The following DNM3 variants were observed in gnomAD, a reference collection of about 807,000 sequenced individuals.
The protein encoded by DNM3 is dynamin 3, also known as dynamin-3.
A neutral mutation model predicts 101.6 loss-of-function variants in DNM3; 47 were observed. The observed-to-expected ratio is 0.46, with a 90% CI of 0.37 to 0.59. The LOEUF (loss-of-function observed/expected upper bound fraction) is 0.59. Among genes scored for constraint, DNM3 ranks in the 20% least tolerant of loss-of-function variants. The pLI, the probability that DNM3 is intolerant of heterozygous loss-of-function variation, is 0.00. For missense variants in DNM3, 849 were observed against 1,085.7 expected (o/e 0.78, Z 3.06); for synonymous variants, 385 against 387.9 (o/e 0.99, Z 0.09).
intron 13 of DNM3, among the ~76,000 whole-genome samples, chr1:172,119,496 C>G (rs140936870): frequency 9.9e-5 from 15 of 152,102 alleles, no homozygotes; most frequent in African/African-American, 3.6e-4. Context: ...CTTCTAGCCC[C>G]GCCTCGGTTT....
At chr1:172,103,707 T>C (rs1016814892) in intron 13 of DNM3, among the ~76,000 whole-genome samples, 1 of 152,110 alleles carries the variant, frequency 6.6e-6, no homozygotes, top group Non-Finnish European at 1.5e-5. Context: ...ATTTTACTTA[T>C]TGAAAGTTAC....
chr1:172,061,307 A>G (rs1005329330), intron 10 of DNM3, among the ~76,000 whole-genome samples: 2 of 144,374 alleles, frequency 1.4e-5, no homozygotes, highest in African/African-American at 5.3e-5. Flanking sequence ...TCAGGGATCT[A>G]GAACTGGAGA....
intron 15 of DNM3, among the ~76,000 whole-genome samples, chr1:172,280,319 A>G (rs1228933076): frequency 6.6e-6 from 1 of 152,000 alleles, no homozygotes; most frequent in Non-Finnish European, 1.5e-5. Context: ...ATTTTTATTC[A>G]TTGTTGTTTG....
Position 172,411,123 on chromosome 1 carries a change from T to C in DNM3, c.*3282T>C. 1.0e-6 allele frequency: 1 copy of C among 984,256 alleles called. No homozygotes were observed. The highest frequency in any genetic ancestry group is 1.2e-6 in the Non-Finnish European group (1 of 828,860). 61.0% of individuals were successfully genotyped at this position (984,256 alleles called of 1,614,324 possible). A position where few individuals can be genotyped will look rare whatever the true frequency, so the allele number is the denominator to read the frequency against. On this transcript the variant is annotated 3_prime_UTR_variant, in exon 21 of 21. Transcript: ENST00000627582. ...ATATGTATATGTATGGTTGTAAATATCTATGTATACATGTACTTAGTATGT... is the reference window on the plus strand; with the variant it reads ...ATATGTATATGTATGGTTGTAAATACCTATGTATACATGTACTTAGTATGT...
rs541103471 is a variant in DNM3, at chr1:171,878,119, ATAATT to A, written c.161+36306_161+36310del. Among the ~76,000 whole-genome samples, 557 of 122,590 alleles carry A rather than the reference ATAATT, an allele frequency of 4.5e-3. 12 individuals carry two copies. Among genetic ancestry groups the A allele is most frequent in the Admixed American group, 0.039 (480 of 12,438 alleles). 80.4% of individuals were successfully genotyped at this position (122,590 alleles called of 152,430 possible). A position where few individuals can be genotyped will look rare whatever the true frequency, so the allele number is the denominator to read the frequency against. On this transcript the variant is annotated intron_variant, in intron 1 of 20. Coordinates refer to ENST00000627582, the MANE Select transcript of DNM3 (RefSeq NM_015569.5). ...TTTATTTAAAAATATAACACATGAA[ATAATT>A]TAAGAAAAATGAAAGAGTAGGTATT...
At chr1:171,947,040 C>T (rs149660611) in intron 2 of DNM3, among the ~76,000 whole-genome samples, 16 of 152,280 alleles carry the variant, frequency 1.1e-4, no homozygotes, top group East Asian at 5.8e-4. Flanking sequence ...ACCAAACAAA[C>T]GATATGCAAA....
intron 17 of DNM3, among the ~76,000 whole-genome samples, chr1:172,327,443 G>A (rs1042098275): frequency 2.0e-5 from 3 of 152,104 alleles, no homozygotes; most frequent in Non-Finnish European, 4.4e-5. Context: ...TATTGTCCTT[G>A]GTCGTATGTG....
chr1:171,847,683 A>G (rs1218414876), intron 1 of DNM3, among the ~76,000 whole-genome samples: 2 of 152,210 alleles, frequency 1.3e-5, no homozygotes, highest in African/African-American at 2.4e-5. Flanking sequence ...CTTTTAAAGA[A>G]TAAGTCATTT....
In DNM3 at chr1:172,068,814, G is replaced by A. The variant is rs1206256807; in HGVS notation, c.1336-5G>A. 1 of 1,564,740 alleles carries A rather than the reference G, an allele frequency of 6.4e-7. No individual in the cohort carries two copies. The highest frequency in any genetic ancestry group is 2.4e-5 in the East Asian group (1 of 42,362). ...ATTAATACTCAGATCTGCTTTTCTT[G>A]ACAGCTGGCAAACTTCCCCAGACTC... is the stretch of plus-strand genomic sequence containing the variant. On this transcript the variant is annotated splice_polypyrimidine_tract_variant and splice_region_variant and intron_variant, in intron 10 of 20. Coordinates refer to ENST00000627582, the MANE Select transcript of DNM3 (RefSeq NM_015569.5).
chr1:171,978,343 A>G (rs1203954622), intron 2 of DNM3, among the ~76,000 whole-genome samples: 1 of 152,242 alleles, frequency 6.6e-6, no homozygotes, highest in African/African-American at 2.4e-5. Context: ...TTGGATGAGG[A>G]AATGACAGGA....
At chr1:172,368,515 CA>C (rs1321745858) in intron 17 of DNM3, among the ~76,000 whole-genome samples, 1 of 151,674 alleles carries the variant, frequency 6.6e-6, no homozygotes, top group African/African-American at 2.4e-5. Flanking sequence ...ACACCAACAT[CA>C]AAAAAGTAGA....
intron 13 of DNM3, among the ~76,000 whole-genome samples, chr1:172,123,169 A>G (rs943264849): frequency 6.6e-6 from 1 of 152,218 alleles, no homozygotes; most frequent in Admixed American, 6.5e-5. Context: ...ATTAGTAACA[A>G]TTGATTTTGT....
chr1:172,121,156 T>C (rs2056291416), intron 13 of DNM3, among the ~76,000 whole-genome samples: 1 of 152,168 alleles, frequency 6.6e-6, no homozygotes, highest in Admixed American at 6.6e-5. Flanking sequence ...CCCTTCCACA[T>C]GGAGGGCCTA....
intron 14 of DNM3, among the ~76,000 whole-genome samples, chr1:172,172,663 T>G (rs762770464): frequency 6.6e-6 from 1 of 151,764 alleles, no homozygotes; most frequent in African/African-American, 2.4e-5. Context: ...GTGGGTCATG[T>G]GACCAATAGA....
Position 172,346,544 on chromosome 1 carries a change from T to G in DNM3, c.1893+23204T>G, listed in dbSNP as rs149469791. ...GAGTAAGTATATTAGGATGTAGGAC[T>G]GACGACTAAGATACTGTTGCAATAG... is the stretch of plus-strand genomic sequence containing the variant. On this transcript the variant is annotated intron_variant, in intron 17 of 20. Coordinates refer to ENST00000627582, the MANE Select transcript of DNM3 (RefSeq NM_015569.5). 9.3e-3 allele frequency among the ~76,000 whole-genome samples: 1,418 copies of G among 152,350 alleles called. 17 individuals carry two copies. Among genetic ancestry groups the G allele is most frequent in the African/African-American group, 0.032 (1,317 of 41,574 alleles).
At chr1:172,339,620 C>T (rs1392389761) in intron 17 of DNM3, among the ~76,000 whole-genome samples, 2 of 152,160 alleles carry the variant, frequency 1.3e-5, no homozygotes, top group Non-Finnish European at 2.9e-5. Context: ...AGTGTGTCTG[C>T]CTAGATCTTC....
intron 17 of DNM3, among the ~76,000 whole-genome samples, chr1:172,324,899 TG>T (rs150889773): frequency 0.01 from 1,582 of 152,268 alleles, 31 homozygotes; most frequent in African/African-American, 0.036. Context: ...AGCCTGTGCA[TG>T]CTGAAGACCA....
chr1:172,299,330 C>T (rs759864733), intron 15 of DNM3, among the ~76,000 whole-genome samples: 2 of 152,182 alleles, frequency 1.3e-5, no homozygotes, highest in Non-Finnish European at 2.9e-5. Flanking sequence ...ACATAACCAT[C>T]GGAGTGTCTT....
At chr1:172,335,095 C>G (rs1023129536) in intron 17 of DNM3, among the ~76,000 whole-genome samples, 1 of 152,070 alleles carries the variant, frequency 6.6e-6, no homozygotes, top group Non-Finnish European at 1.5e-5. Context: ...TTCCATGTGG[C>G]CCAATAACTT....
Sources: allele counts gnomAD v4.1 joint callset (sites outside exome capture counted in the v4.1 genomes callset), GRCh38; gene constraint gnomAD v4.1.1; transcripts MANE v1.5; gene names NCBI Gene and HGNC (gene_info 2026-07-23, HGNC 2026-07-21).